RNF6: variants seen among roughly 807,000 people sequenced by gnomAD.
RNF6 encodes the protein E3 ubiquitin-protein ligase RNF6.
RNF6 carries 21 observed loss-of-function variants against 50.1 expected under a neutral mutation model. That is an observed-to-expected ratio of 0.42 (90% confidence interval 0.30 to 0.60). The LOEUF is 0.60. Ranked by LOEUF, RNF6 falls within the 20% of genes least tolerant of loss-of-function variation. The probability of loss-of-function intolerance (pLI) is 0.20; values close to 1 mark genes in which losing one functional copy is unlikely to be tolerated. For missense variants in RNF6, 698 were observed against 838.2 expected, an observed-to-expected ratio of 0.83 and a Z score of 2.07; for synonymous variants, 255 against 291.8, an observed-to-expected ratio of 0.87 and a Z score of 1.29.
At chr13:26,155,911 C>T (rs1327912171) in intron 5 of RNF6, among the ~76,000 whole-genome samples, 1 of 152,194 alleles carries the variant, frequency 6.6e-6, no homozygotes, top group Non-Finnish European at 1.5e-5. Flanking sequence ...CCTGGTTAGA[C>T]AACCCAGAGT....
intron 1 of RNF6, 64 bp downstream of exon 1, chr13:26,221,939 G>A (rs1870551651): frequency 6.6e-6 from 1 of 152,464 alleles, no homozygotes; most frequent in South Asian, 2.1e-4. Flanking sequence ...CTCGAAGGAT[G>A]GCCTGCTTTC....
intron 1 of RNF6, chr13:26,221,620 C>T (rs1053326230): frequency 3.3e-5 from 5 of 152,208 alleles, no homozygotes; most frequent in Admixed American, 3.3e-4. Flanking sequence ...TCGGATGTTA[C>T]CAGGGTTAGG....
intron 5 of RNF6, among the ~76,000 whole-genome samples, chr13:26,191,544 A>T (rs1868459057): frequency 6.6e-6 from 1 of 152,154 alleles, no homozygotes; most frequent in Admixed American, 6.5e-5. Context: ...AGTTTCCCTC[A>T]TGCTGTTTTC....
chr13:26,214,968 G>A lies in RNF6; in HGVS notation c.914C>T (p.Ser305Phe), dbSNP rs773356604. The change falls in exon 5 of 5, where the codon TCT (serine) becomes TTT (phenylalanine). Residue 305 changes from serine (S) to phenylalanine (F), a missense_variant. Transcript: ENST00000381588. ...TGAACGGCTTCGACTATTGGAAGTA[G>A]ATCGTAATCTTATTGGCTCTAATCT... Reference protein sequence around the residue: ...NQRLEPIRLRSTSNSRSRSPI... With the variant: ...NQRLEPIRLRFTSNSRSRSPI... 3.7e-6 allele frequency: 6 copies of A among 1,614,074 alleles called. No homozygotes were observed. The African/African-American group carries it at 8.0e-5, about 22-fold the overall frequency.
intron 5 of RNF6, among the ~76,000 whole-genome samples, chr13:26,195,226 G>A (rs1293583887): frequency 1.3e-5 from 2 of 151,324 alleles, no homozygotes; most frequent in Non-Finnish European, 2.9e-5. Context: ...AAAATGAAAT[G>A]CTAGAGATCA....
intron 5 of RNF6, among the ~76,000 whole-genome samples, chr13:26,168,549 A>G (rs1872548304): frequency 6.6e-6 from 1 of 152,184 alleles, no homozygotes; most frequent in Non-Finnish European, 1.5e-5. Context: ...AGTTTTGCAG[A>G]AAATGTTCTT....
chr13:26,199,762 C>T (rs73158296), intron 5 of RNF6, among the ~76,000 whole-genome samples: 6,125 of 151,946 alleles, frequency 0.04, 163 homozygotes, highest in South Asian at 0.086. Flanking sequence ...GAGAGAGAGA[C>T]AGATGAAGAT....
chr13:26,175,008 C>A (rs1359131675), intron 5 of RNF6, among the ~76,000 whole-genome samples: 4 of 152,186 alleles, frequency 2.6e-5, no homozygotes, highest in Non-Finnish European at 5.9e-5. Flanking sequence ...GAAGGGGACA[C>A]AATCAGGTGC....
chr13:26,188,622 G>GTTTT (rs1566427058), intron 5 of RNF6, among the ~76,000 whole-genome samples: 1 of 55,936 alleles, frequency 1.8e-5, no homozygotes, highest in Non-Finnish European at 3.2e-5. Context: ...AGTCAAAAGA[G>GTTTT]CTTTTTTTTT....
intron 5 of RNF6, among the ~76,000 whole-genome samples, chr13:26,166,824 G>A (rs1872473670): frequency 1.3e-5 from 2 of 152,100 alleles, no homozygotes; most frequent in African/African-American, 4.8e-5. Context: ...GGAGGCTGAG[G>A]CATGAGAACC....
In RNF6 at chr13:26,198,744, G is replaced by A. The variant is rs1229369997; in HGVS notation, n.768+16730C>T. Among the ~76,000 whole-genome samples the A allele has an allele frequency of 4.6e-5, 7 of 151,838 alleles. No individual in the cohort carries two copies. The South Asian group carries it at 6.2e-4, about 14-fold the overall frequency. On this transcript the variant is annotated intron_variant and non_coding_transcript_variant, in intron 5 of 5. Coordinates refer to the RNF6 transcript ENST00000468480. The stretch of plus-strand genomic sequence containing the variant: ...GCATTCAGTACATAGAATATAATAC[G>A]AAATACTTTTAAAAGCTATTAAATA...
chr13:26,136,120 T>C (rs1472583307), intron 5 of RNF6, among the ~76,000 whole-genome samples: 1 of 152,164 alleles, frequency 6.6e-6, no homozygotes, highest in African/African-American at 2.4e-5. Context: ...TAATTGTTCC[T>C]CAAAATTAAA....
intron 5 of RNF6, among the ~76,000 whole-genome samples, chr13:26,170,594 T>C (rs1872656003): frequency 6.6e-6 from 1 of 152,220 alleles, no homozygotes; most frequent in Non-Finnish European, 1.5e-5. Context: ...GAAAATTATC[T>C]CATGAAGTCA....
At chr13:26,180,198 C>G (rs1488033337) in intron 5 of RNF6, among the ~76,000 whole-genome samples, 2 of 152,172 alleles carry the variant, frequency 1.3e-5, no homozygotes, top group Non-Finnish European at 2.9e-5. Flanking sequence ...TGAGCTATCT[C>G]TACCACAATC....
chr13:26,176,972 G>C (rs1207075024), intron 5 of RNF6, among the ~76,000 whole-genome samples: 2 of 152,098 alleles, frequency 1.3e-5, no homozygotes, highest in African/African-American at 4.8e-5. Context: ...GAATATGCCA[G>C]GTGAAGACAG....
At chr13:26,163,976 GAA>G (rs2137615992) in intron 5 of RNF6, among the ~76,000 whole-genome samples, 1 of 152,284 alleles carries the variant, frequency 6.6e-6, no homozygotes, top group South Asian at 2.1e-4. Flanking sequence ...AAAGTAGTAT[GAA>G]AAGAGCTATA....
chr13:26,150,675 C>G lies in RNF6; in HGVS notation n.769-18224G>C, dbSNP rs1056374967. The G allele has an allele frequency of 1.4e-4, 21 of 151,166 alleles. No homozygotes were observed. In the Admixed American group the frequency reaches 1.4e-3, roughly 10 times the overall value. 9.4% of individuals were successfully genotyped at this position (151,166 alleles called of 1,614,324 possible). A position where few individuals can be genotyped will look rare whatever the true frequency, so the allele number is the denominator to read the frequency against. On this transcript the variant is annotated intron_variant and non_coding_transcript_variant, in intron 5 of 5. Coordinates refer to the RNF6 transcript ENST00000468480. ...TTTAAAACCTCAAAACTTGAATTCACTCTTCACAACAACTATAGACTTAAA... is the reference window on the plus strand; with the variant it reads ...TTTAAAACCTCAAAACTTGAATTCAGTCTTCACAACAACTATAGACTTAAA...
rs1593184578 is a variant in RNF6, at chr13:26,203,091, G to A, written n.768+12383C>T. On this transcript the variant is annotated intron_variant and non_coding_transcript_variant, in intron 5 of 5. Transcript: ENST00000468480. ...GCATAAGGCCTCCAAACCATTATGTGGCAATTTGGGCCATGAGCTGACATC... is the reference window on the plus strand; with the variant it reads ...GCATAAGGCCTCCAAACCATTATGTAGCAATTTGGGCCATGAGCTGACATC... 2.0e-5 allele frequency among the ~76,000 whole-genome samples: 3 copies of A among 152,288 alleles called. No individual in the cohort carries two copies. In the South Asian group the frequency reaches 6.2e-4, roughly 32 times the overall value.
At chr13:26,133,091 A>G (rs1263805700) in intron 5 of RNF6, among the ~76,000 whole-genome samples, 2 of 152,214 alleles carry the variant, frequency 1.3e-5, no homozygotes, top group African/African-American at 4.8e-5. Flanking sequence ...TCAAGAGAAT[A>G]AGAATAAAAT....
Sources: allele counts gnomAD v4.1 joint callset (sites outside exome capture counted in the v4.1 genomes callset), GRCh38; gene constraint gnomAD v4.1.1; transcripts MANE v1.5; gene names NCBI Gene and HGNC (gene_info 2026-07-23, HGNC 2026-07-21).